Variants in EPN3 observed in about 807,000 individuals in gnomAD.
EPN3 encodes epsin-3.
EPN3 carries 56 observed loss-of-function variants against 55.5 expected under a neutral mutation model. That is an observed-to-expected ratio of 1.01 (90% CI 0.81 to 1.26). The LOEUF (loss-of-function observed/expected upper bound fraction) is 1.26, where lower values mean the gene tolerates loss of function less well. Among genes scored for constraint, EPN3 ranks in the 50% most tolerant of loss-of-function variants. The probability of loss-of-function intolerance (pLI) is 0.00; values close to 1 mark genes in which losing one functional copy is unlikely to be tolerated. For missense variants in EPN3, 927 were observed against 853.4 expected, an observed-to-expected ratio of 1.09 and a Z score of -1.07; for synonymous variants, 449 against 375.2, an observed-to-expected ratio of 1.20 and a Z score of -2.27.
rs762619634 is a variant in EPN3 at position 50,541,961 on chromosome 17, C to T, written c.1703C>T (p.Ala568Val). Residue 568 changes from alanine (A) to valine (V), a missense_variant, in exon 10 of 10, where the codon GCG (alanine) becomes GTG (valine). Transcript: ENST00000268933. ...ALGLAGGPVG[A>V]PLGSMTYSAS... Reference sequence around the variant, plus strand: ...GGCCTGGCAGGCGGGCCTGTGGGGGCGCCCCTGGGCTCCATGACCTACAGC... The same window carrying T: ...GGCCTGGCAGGCGGGCCTGTGGGGGTGCCCCTGGGCTCCATGACCTACAGC... The T allele has an allele frequency of 3.1e-6, 5 of 1,595,594 alleles. No individual in the cohort carries two copies. Among genetic ancestry groups the T allele is most frequent in the Non-Finnish European group, 4.2e-6 (5 of 1,177,218 alleles).
rs1215201062 is a variant in EPN3, at chr17:50,532,949, C to CGGGCTG, written c.-162_-157dup. 40 of 1,285,650 alleles carry CGGGCTG rather than the reference C, an allele frequency of 3.1e-5. No individual in the cohort carries two copies. Among genetic ancestry groups the CGGGCTG allele is most frequent in the Non-Finnish European group, 3.3e-5 (33 of 987,448 alleles). 79.6% of individuals were successfully genotyped at this position (1,285,650 alleles called of 1,614,324 possible). On this transcript the variant is annotated 5_prime_UTR_variant, in exon 1 of 10. Transcript: ENST00000268933. ...TCGGAGGGTCACCGCAGAGGCTACT[C>CGGGCTG]GGGCTGGGGCTGGGGCCGAGGGAGC...
chr17:50,536,449 C>T lies in EPN3; in HGVS notation c.-108C>T. ...CATGTGGAACCCAAGGATGCAGCTG[C>T]TCTGCTAACACGGCAGCCCATCCTT... is the stretch of plus-strand genomic sequence containing the variant. On this transcript the variant is annotated 5_prime_UTR_variant, in exon 2 of 10. Transcript: ENST00000268933. 5 of 1,558,530 alleles carry T rather than the reference C, an allele frequency of 3.2e-6. No individual in the cohort carries two copies. Among genetic ancestry groups the T allele is most frequent in the Non-Finnish European group, 4.3e-6 (5 of 1,161,836 alleles).
chr17:50,535,770 A>T (rs1332607449), intron 1 of EPN3, among the ~76,000 whole-genome samples: 1 of 152,222 alleles, frequency 6.6e-6, no homozygotes, highest in African/African-American at 2.4e-5. Context: ...GCCTCCGGGA[A>T]ATAGGTGTTG....
chr17:50,540,246 G>C lies in EPN3; in HGVS notation c.892-1G>C. On this transcript the variant is annotated splice_acceptor_variant, in intron 5 of 9. Coordinates refer to ENST00000268933, the MANE Select transcript of EPN3 (RefSeq NM_017957.3). LOFTEE classifies it high-confidence loss of function. ...GCCGCGGCTGCCTCTCCCCTCCACA[G>C]TCCTCCATCCTGGACTTGGCTGACA... 1 of 1,611,900 alleles carries C rather than the reference G, an allele frequency of 6.2e-7. No individual in the cohort carries two copies. The highest frequency in any genetic ancestry group is 8.5e-7 in the Non-Finnish European group (1 of 1,179,890).
In EPN3 at chr17:50,541,990, T is replaced by C. The variant is rs1186264347; in HGVS notation, c.1732T>C (p.Ser578Pro). ...APLGSMTYSASLPLPLSSVPA... is the reference protein window; with the variant it reads ...APLGSMTYSAPLPLPLSSVPA... ...CCTGGGCTCCATGACCTACAGCGCC[T>C]CTCTGCCCCTCCCGCTCAGCAGCGT... The change falls in exon 10 of 10, where the codon TCT becomes CCT. Residue 578 changes from serine (S) to proline (P), a missense_variant. Transcript: ENST00000268933. 1 of 1,598,144 alleles carries C rather than the reference T, an allele frequency of 6.3e-7. No individual in the cohort carries two copies. Among genetic ancestry groups the C allele is most frequent in the Non-Finnish European group, 8.5e-7 (1 of 1,178,678 alleles).
chr17:50,541,430 T>C, intron 8 of EPN3, 34 bp from the exon 9 acceptor site: 1 of 1,611,134 alleles, frequency 6.2e-7, no homozygotes, highest in South Asian at 1.1e-5. Flanking sequence ...CCAATCCCTT[T>C]CCCCACCAAT....
Position 50,543,042 on chromosome 17 carries a change from G to C in EPN3, c.*885G>C, listed in dbSNP as rs1034293665. 1 of 152,226 alleles carries C rather than the reference G, an allele frequency of 6.6e-6. No individual in the cohort carries two copies. The highest frequency in any genetic ancestry group is 6.5e-5 in the Admixed American group (1 of 15,288). The allele number at this position is 152,226 out of a possible 1,614,324, so 9.4% of individuals were successfully genotyped here. A position where few individuals can be genotyped will look rare whatever the true frequency, so the allele number is the denominator to read the frequency against. On this transcript the variant is annotated 3_prime_UTR_variant, in exon 10 of 10. Coordinates refer to ENST00000268933, the MANE Select transcript of EPN3 (RefSeq NM_017957.3). ...CCAAGGCCTGGAGATCCCAGGCTGG[G>C]CCCCAGATTTAATTCAGCAAATATT...
Position 50,536,595 on chromosome 17 carries a change from C to T in EPN3, c.39C>T (p.Ile13=), listed in dbSNP as rs377159340. 1.5e-5 allele frequency: 25 copies of T among 1,613,938 alleles called. No individual in the cohort carries two copies. The highest frequency in any genetic ancestry group is 5.3e-5 in the African/African-American group (4 of 74,934). ...CACTCCGGCGCCAGGTGAAGAACAT[C>T]GTGCACAACTACTCCGAGGCAGAAA... is the stretch of plus-strand genomic sequence containing the variant. The part of the protein sequence containing the change: ...TSALRRQVKN[I]VHNYSEAEIK... Residue 13 remains isoleucine (I), a synonymous_variant, in exon 2 of 10, where the codon ATC becomes ATT. Coordinates refer to ENST00000268933, the MANE Select transcript of EPN3 (RefSeq NM_017957.3).
intron 2 of EPN3, 185 bp downstream of exon 2, chr17:50,537,303 A>T: frequency 1.6e-6 from 1 of 629,936 alleles, no homozygotes. Context: ...GTTAGCTCAG[A>T]TAATAACGTT....
intron 4 of EPN3, 80 bp from the exon 5 acceptor site, chr17:50,539,107 G>C (rs958172146): frequency 3.7e-5 from 58 of 1,588,776 alleles, no homozygotes; most frequent in Non-Finnish European, 4.2e-5. Context: ...GCACTCTCTC[G>C]ACTCCAGCCT....
In EPN3 at chr17:50,541,451, A is replaced by G; in HGVS notation, c.1355-13A>G. On this transcript the variant is annotated splice_polypyrimidine_tract_variant and intron_variant, in intron 8 of 9. Transcript: ENST00000268933. ...CCTTTCCCCACCAATTAGCTCTAGCATTTCTATTCCAGAGCTGGACCTGTT... is the reference window on the plus strand; with the variant it reads ...CCTTTCCCCACCAATTAGCTCTAGCGTTTCTATTCCAGAGCTGGACCTGTT... 1 of 1,613,438 alleles carries G rather than the reference A, an allele frequency of 6.2e-7. No homozygotes were observed. The highest frequency in any genetic ancestry group is 1.7e-5 in the Admixed American group (1 of 60,002).
At position 50,536,987 on chromosome 17, in the gene EPN3, G is replaced by C. The variant is rs780384032; in HGVS notation, c.431G>C (p.Arg144Pro). ...GATGAGGAGCGGCTGCGGCAGGAGC[G>C]AACCCACGCCCTCAAGACCAAGGAG... The part of the protein sequence containing the change: ...LKDEERLRQE[R>P]THALKTKERM... The change falls in exon 2 of 10, where the codon CGA becomes CCA. Residue 144 changes from arginine to proline, a missense_variant. Arg to Pro is a moderately radical substitution (Grantham distance 103). Transcript: ENST00000268933. The C allele has an allele frequency of 1.2e-6, 2 of 1,613,696 alleles. No homozygotes were observed. Among genetic ancestry groups the C allele is most frequent in the South Asian group, 2.2e-5 (2 of 91,076 alleles).
chr17:50,539,081 A>G, intron 4 of EPN3, 106 bp from the exon 5 acceptor site: 1 of 1,559,914 alleles, frequency 6.4e-7, no homozygotes. Flanking sequence ...CTAACCTCTC[A>G]GCTGCCTCCC....
chr17:50,539,526 G>A (rs1182521294), intron 5 of EPN3, among the ~76,000 whole-genome samples: 1 of 152,172 alleles, frequency 6.6e-6, no homozygotes, highest in African/African-American at 2.4e-5. Context: ...GTTCCTGATT[G>A]GAGACCCCCG....
At chr17:50,540,372 C>G (rs755296769) in intron 6 of EPN3, 38 bp downstream of exon 6, 100 of 1,565,410 alleles carry the variant, frequency 6.4e-5, no homozygotes, top group Middle Eastern at 5.1e-4. Flanking sequence ...CCAGGCTGGC[C>G]CAAGAGCCTC....
rs2034831185 is a variant in EPN3 at position 50,540,434 on chromosome 17, T to TCAC, written c.979+102_979+104dup. The TCAC allele has an allele frequency of 3.5e-6, 4 of 1,131,304 alleles. No individual in the cohort carries two copies. The South Asian group carries it at 5.8e-5, about 17-fold the overall frequency. 70.1% of individuals were successfully genotyped at this position (1,131,304 alleles called of 1,614,324 possible). On this transcript the variant is annotated intron_variant, in intron 6 of 9. Coordinates refer to ENST00000268933, the MANE Select transcript of EPN3 (RefSeq NM_017957.3). ...AGCACCTCCTCCCAAAATCTGAGTG[T>TCAC]CACCGGGCAAGTCACTCACCACCTT...
At position 50,541,576 on chromosome 17, in the gene EPN3, G is replaced by A. The variant is rs1567905652; in HGVS notation, c.1467G>A (p.Glu489=). The A allele has an allele frequency of 2.5e-6, 4 of 1,614,070 alleles. No individual in the cohort carries two copies. Among genetic ancestry groups the A allele is most frequent in the Non-Finnish European group, 2.5e-6 (3 of 1,180,032 alleles). The change falls in exon 9 of 10, where the codon GAG becomes GAA. Residue 489 remains glutamate (E), a synonymous_variant. Transcript: ENST00000268933. ...LGEALTQPSK[E]ARACRTPESF... ...AAGCACTAACCCAGCCAAGCAAAGA[G>A]GCCCGAGCTTGCCGGACTCCCGAGT...
intron 1 of EPN3, among the ~76,000 whole-genome samples, chr17:50,534,019 C>G (rs2034720699): frequency 6.6e-6 from 1 of 152,272 alleles, no homozygotes; most frequent in African/African-American, 2.4e-5. Flanking sequence ...GCTTGTAACA[C>G]TGCTGGCAGC....
At chr17:50,533,054 CAG>C in intron 1 of EPN3, 69 bp downstream of exon 1, 1 of 1,025,148 alleles carries the variant, frequency 9.8e-7, no homozygotes, top group Non-Finnish European at 1.3e-6. Flanking sequence ...GGGGAGCAAA[CAG>C]TGGTTCTGGG....
Sources: gnomAD v4.1 joint callset for allele counts (sites outside exome capture counted in the v4.1 genomes callset) on GRCh38, gnomAD v4.1.1 for gene constraint, MANE v1.5 for transcripts, NCBI Gene and HGNC (gene_info 2026-07-23, HGNC 2026-07-21) for gene names.